The following ZNF570 variants were observed in gnomAD, a reference collection of about 807,000 sequenced individuals.
ZNF570 encodes the protein zinc finger protein 570.
ZNF570 carries 8 observed loss-of-function variants against 14.2 expected under a neutral mutation model. That is an observed-to-expected ratio of 0.56 (90% CI 0.33 to 1.02). ZNF570 has a LOEUF of 1.02. Ranked by LOEUF, ZNF570 falls within the 50% of genes least tolerant of loss-of-function variation. The pLI is 0.03. For missense variants in ZNF570, 559 were observed against 624.9 expected (o/e 0.89, Z 1.12); for synonymous variants, 202 against 207.6 (o/e 0.97, Z 0.23).
At position 37,488,394 on chromosome 19, in the gene ZNF570, G is replaced by C. The variant is rs1009092798; in HGVS notation, c.*3161G>C. The C allele has an allele frequency of 2.0e-5, 3 of 152,040 alleles. No individual in the cohort carries two copies. The highest frequency in any genetic ancestry group is 7.2e-5 in the African/African-American group (3 of 41,398). 9.4% of individuals were successfully genotyped at this position (152,040 alleles called of 1,614,324 possible). ...GTCATGGCTAAATACTATATAAAAAGGATCTAAAAGAATTAATAAAATAAT... is the reference window on the plus strand; with the variant it reads ...GTCATGGCTAAATACTATATAAAAACGATCTAAAAGAATTAATAAAATAAT... On this transcript the variant is annotated 3_prime_UTR_variant, in exon 5 of 5. Coordinates refer to ENST00000330173, the MANE Select transcript of ZNF570 (RefSeq NM_144694.5).
Position 37,485,101 on chromosome 19 carries a change from T to C in ZNF570, c.1479T>C (p.Thr493=), listed in dbSNP as rs1297743558. The C allele has an allele frequency of 1.9e-6, 3 of 1,613,940 alleles. No homozygotes were observed. The African/African-American group carries it at 4.0e-5, about 22-fold the overall frequency. Residue 493 remains threonine, a synonymous_variant, in exon 5 of 5, where the codon ACT becomes ACC. Coordinates refer to ENST00000330173, the MANE Select transcript of ZNF570 (RefSeq NM_144694.5). ...GSLAQHQRIH[T]GERPYECKEC... Reference sequence around the variant, plus strand: ...TTGCCCAACATCAGAGAATTCATACTGGAGAGAGACCCTATGAATGTAAGG... The same window carrying C: ...TTGCCCAACATCAGAGAATTCATACCGGAGAGAGACCCTATGAATGTAAGG...
At chr19:37,476,469 C>T (rs746607147) in intron 4 of ZNF570, 35 bp downstream of exon 4, 9 of 1,598,912 alleles carry the variant, frequency 5.6e-6, no homozygotes, top group African/African-American at 2.7e-5. Flanking sequence ...AATCTTTGCA[C>T]GTGACAGCTC....
chr19:37,476,584 C>A, intron 4 of ZNF570, 150 bp downstream of exon 4: 2 of 1,131,886 alleles, frequency 1.8e-6, no homozygotes, highest in African/African-American at 1.6e-5. Flanking sequence ...TGTTCTCCCA[C>A]ATTTGTTATT....
At chr19:37,468,547 G>C (rs1301575086), upstream of ZNF570, among the ~76,000 whole-genome samples, 2 of 152,218 alleles carry the variant, frequency 1.3e-5, no homozygotes, top group African/African-American at 2.4e-5. Flanking sequence ...TCAGGCTGGA[G>C]TGCAGTGGCG....
upstream of ZNF570, chr19:37,469,018 GC>G: frequency 1.0e-6 from 1 of 982,088 alleles, no homozygotes; most frequent in Non-Finnish European, 1.2e-6. Flanking sequence ...TCAACTCCCC[GC>G]CCTGGTTGCT....
In ZNF570 at chr19:37,485,390, C is replaced by T; in HGVS notation, c.*157C>T. 1.5e-6 allele frequency: 1 copy of T among 681,290 alleles called. No homozygotes were observed. The highest frequency in any genetic ancestry group is 3.4e-5 in the South Asian group (1 of 29,548). The allele number at this position is 681,290 out of a possible 1,614,324, so 42.2% of individuals were successfully genotyped here. A position where few individuals can be genotyped will look rare whatever the true frequency, so the allele number is the denominator to read the frequency against. On this transcript the variant is annotated 3_prime_UTR_variant, in exon 5 of 5. Transcript: ENST00000330173. The stretch of plus-strand genomic sequence containing the variant: ...CTTTAAATCCATTTCCCACAATGCA[C>T]TCAAACGGATCTTTTTTTTCTTTTT...
chr19:37,477,065 T>C (rs1401422470), intron 4 of ZNF570, among the ~76,000 whole-genome samples: 1 of 151,902 alleles, frequency 6.6e-6, no homozygotes, highest in Admixed American at 6.6e-5. Context: ...GGGGACTGAG[T>C]CCTCAACCTG....
intron 3 of ZNF570, 113 bp from the exon 4 acceptor site, chr19:37,476,226 T>C: frequency 7.4e-7 from 1 of 1,357,072 alleles, no homozygotes; most frequent in Non-Finnish European, 1.0e-6. Context: ...CTTTACACAT[T>C]TCTCTTTTTG....
chr19:37,473,912 C>A (rs1381387034), intron 2 of ZNF570, among the ~76,000 whole-genome samples: 1 of 152,116 alleles, frequency 6.6e-6, no homozygotes, highest in Non-Finnish European at 1.5e-5. Flanking sequence ...ATCCTAATTT[C>A]ATGAGGTTTA....
In ZNF570 at chr19:37,484,018, G is replaced by A. The variant is rs769245268; in HGVS notation, c.396G>A (p.Glu132=). 2.0e-5 allele frequency: 32 copies of A among 1,613,910 alleles called. No individual in the cohort carries two copies. Among genetic ancestry groups the A allele is most frequent in the Non-Finnish European group, 2.7e-5 (32 of 1,180,024 alleles). Residue 132 remains glutamate, a synonymous_variant, in exon 5 of 5, where the codon GAG becomes GAA. Coordinates refer to ENST00000330173, the MANE Select transcript of ZNF570 (RefSeq NM_144694.5). Reference sequence around the variant, plus strand: ...GTTTGAGAGAAGAGTGGAAATGTGAGGGCTATTTTGAAAGGCAACCAGGTA... The same window carrying A: ...GTTTGAGAGAAGAGTGGAAATGTGAAGGCTATTTTGAAAGGCAACCAGGTA... The part of the protein sequence containing the change: ...YSSLREEWKC[E]GYFERQPGNQ...
chr19:37,484,508 C>T lies in ZNF570; in HGVS notation c.886C>T (p.His296Tyr). Reference sequence around the variant, plus strand: ...ACACCTAGTTCAACATCTGCGAGTTCATACTGGAGAAAAACCTTACGAATG... The same window carrying T: ...ACACCTAGTTCAACATCTGCGAGTTTATACTGGAGAAAAACCTTACGAATG... ...NAHLVQHLRVHTGEKPYECKV... is the reference protein window; with the variant it reads ...NAHLVQHLRVYTGEKPYECKV... Residue 296 changes from histidine to tyrosine, a missense_variant, in exon 5 of 5, where the codon CAT (histidine) becomes TAT (tyrosine). Coordinates refer to ENST00000330173, the MANE Select transcript of ZNF570 (RefSeq NM_144694.5). 6.2e-7 allele frequency: 1 copy of T among 1,613,920 alleles called. No individual in the cohort carries two copies. Among genetic ancestry groups the T allele is most frequent in the Non-Finnish European group, 8.5e-7 (1 of 1,179,938 alleles).
At chr19:37,476,514 A>G (rs780880207) in intron 4 of ZNF570, 80 bp downstream of exon 4, 83 of 1,447,706 alleles carry the variant, frequency 5.7e-5, no homozygotes, top group Middle Eastern at 1.8e-4. Context: ...TTCACTCTTC[A>G]GGCTTCCAAA....
chr19:37,482,877 T>G, intron 4 of ZNF570, among the ~76,000 whole-genome samples: 2 of 130,336 alleles, frequency 1.5e-5, no homozygotes, highest in South Asian at 2.8e-4. Context: ...CTCCCCCCCT[T>G]TCTCCCTCTC....
At chr19:37,474,533 C>T (rs1329863661) in intron 2 of ZNF570, among the ~76,000 whole-genome samples, 1 of 152,114 alleles carries the variant, frequency 6.6e-6, no homozygotes, top group Non-Finnish European at 1.5e-5. Flanking sequence ...AATCTCAGCT[C>T]ACCGCAACCT....
intron 4 of ZNF570, among the ~76,000 whole-genome samples, chr19:37,477,321 G>T (rs868457201): frequency 3.3e-5 from 5 of 149,974 alleles, no homozygotes; most frequent in South Asian, 2.1e-4. Flanking sequence ...GTGTGTGTGT[G>T]TGTGTGTGTG....
chr19:37,472,159 C>G (rs2041973206), intron 2 of ZNF570, among the ~76,000 whole-genome samples: 1 of 152,052 alleles, frequency 6.6e-6, no homozygotes, highest in Non-Finnish European at 1.5e-5. Context: ...CCTGCCTCGG[C>G]CTACCAAAGG....
intron 2 of ZNF570, among the ~76,000 whole-genome samples, chr19:37,474,245 TG>T (rs2041999534): frequency 6.6e-6 from 1 of 152,228 alleles, no homozygotes; most frequent in African/African-American, 2.4e-5. Flanking sequence ...AAATTATTTT[TG>T]TTGACTATCA....
Position 37,483,753 on chromosome 19 carries a change from G to T in ZNF570, c.257-126G>T, listed in dbSNP as rs770771484. 230 of 989,832 alleles carry T rather than the reference G, an allele frequency of 2.3e-4. 1 individual carries two copies. Among genetic ancestry groups the T allele is most frequent in the Non-Finnish European group, 3.1e-4 (211 of 690,890 alleles). 61.3% of individuals were successfully genotyped at this position (989,832 alleles called of 1,614,324 possible). On this transcript the variant is annotated intron_variant, in intron 4 of 4. Transcript: ENST00000330173. The stretch of plus-strand genomic sequence containing the variant: ...TTCTCTTCTTGTACACTTCAGAACT[G>T]CAAAAGCCAATGTTCCTGTGGGTTT...
intron 4 of ZNF570, among the ~76,000 whole-genome samples, chr19:37,482,883 C>T (rs907745751): frequency 2.7e-5 from 4 of 150,356 alleles, no homozygotes; most frequent in Non-Finnish European, 4.4e-5. Flanking sequence ...CCCTTTCTCC[C>T]TCTCTCTGTC....
Sources: allele counts gnomAD v4.1 joint callset (sites outside exome capture counted in the v4.1 genomes callset), GRCh38; gene constraint gnomAD v4.1.1; transcripts MANE v1.5; gene names NCBI Gene and HGNC (gene_info 2026-07-23, HGNC 2026-07-21).